Variants in RPS6KC1 observed in about 807,000 individuals in gnomAD.
The protein encoded by RPS6KC1 is ribosomal protein S6 kinase C1, also known as inactive ribosomal protein S6 kinase delta-1.
A neutral mutation model predicts 103.8 loss-of-function variants in RPS6KC1; 54 were observed. That is an observed-to-expected ratio of 0.52 (90% confidence interval 0.42 to 0.65). The LOEUF (loss-of-function observed/expected upper bound fraction) is 0.65. Ranked by LOEUF, RPS6KC1 falls within the 30% of genes least tolerant of loss-of-function variation. The pLI, the probability that RPS6KC1 is intolerant of heterozygous loss-of-function variation, is 0.00. For missense variants in RPS6KC1, 1,151 were observed against 1,253.8 expected, an observed-to-expected ratio of 0.92 and a Z score of 1.24; for synonymous variants, 439 against 438.7, an observed-to-expected ratio of 1.00 and a Z score of -0.01.
intron 3 of RPS6KC1, among the ~76,000 whole-genome samples, chr1:213,087,570 C>T (rs1300276991): frequency 1.3e-5 from 2 of 152,220 alleles, no homozygotes; most frequent in Non-Finnish European, 2.9e-5. Flanking sequence ...CAACGGAGGG[C>T]ACTCCATTTC....
At chr1:213,136,510 G>A (rs1178317519) in intron 6 of RPS6KC1, among the ~76,000 whole-genome samples, 1 of 151,858 alleles carries the variant, frequency 6.6e-6, no homozygotes, top group East Asian at 1.9e-4. Context: ...ATCTGTCATG[G>A]CCCAACAGTG....
the RPS6KC1 span, among the ~76,000 whole-genome samples, chr1:213,559,354 C>T: frequency 6.6e-6 from 1 of 152,168 alleles, no homozygotes; most frequent in Non-Finnish European, 1.5e-5. Flanking sequence ...GAATGCTGTC[C>T]TTTGGCAGCC....
At chr1:213,506,942 A>G in the RPS6KC1 span, among the ~76,000 whole-genome samples, 75 of 152,294 alleles carry the variant, frequency 4.9e-4, no homozygotes, top group African/African-American at 1.7e-3. Flanking sequence ...AATTCATCCC[A>G]TTCCTTTTGC....
At chr1:213,646,660 T>C in the RPS6KC1 span, among the ~76,000 whole-genome samples, 1 of 151,510 alleles carries the variant, frequency 6.6e-6, no homozygotes, top group Non-Finnish European at 1.5e-5. Context: ...TGACCAGTAA[T>C]TAATTGACCC....
chr1:213,301,080 A>C, the RPS6KC1 span, among the ~76,000 whole-genome samples: 1 of 152,184 alleles, frequency 6.6e-6, no homozygotes, highest in South Asian at 2.1e-4. Context: ...CTTAGGGTTC[A>C]TGTTTTTTCC....
the RPS6KC1 span, among the ~76,000 whole-genome samples, chr1:213,324,279 T>A: frequency 2.6e-5 from 4 of 152,228 alleles, no homozygotes; most frequent in Non-Finnish European, 5.9e-5. Flanking sequence ...GGTCATGGAT[T>A]TTTATTTTTT....
At chr1:213,562,388 T>C in the RPS6KC1 span, among the ~76,000 whole-genome samples, 1 of 95,756 alleles carries the variant, frequency 1.0e-5, no homozygotes, top group African/African-American at 4.7e-5. Flanking sequence ...TTTTTTTTTT[T>C]TTTTTTTTTT....
intron 3 of RPS6KC1, among the ~76,000 whole-genome samples, chr1:213,093,299 C>T (rs2081158661): frequency 6.6e-6 from 1 of 151,712 alleles, no homozygotes; most frequent in Admixed American, 6.6e-5. Context: ...AAACCTCCAC[C>T]TCCCGGGTTC....
the RPS6KC1 span, among the ~76,000 whole-genome samples, chr1:213,712,545 C>T: frequency 6.6e-6 from 1 of 152,202 alleles, no homozygotes; most frequent in Admixed American, 6.5e-5. Context: ...GCTTGCGTTC[C>T]AGGCACCACT....
the RPS6KC1 span, among the ~76,000 whole-genome samples, chr1:213,781,846 G>A: frequency 1.3e-5 from 2 of 152,072 alleles, no homozygotes; most frequent in African/African-American, 4.8e-5. Flanking sequence ...AAGAAGGGGT[G>A]GTTCGTTGTG....
chr1:213,075,951 C>T (rs2079298545), intron 2 of RPS6KC1, among the ~76,000 whole-genome samples: 1 of 152,160 alleles, frequency 6.6e-6, no homozygotes, highest in Non-Finnish European at 1.5e-5. Context: ...TTAGGTACTA[C>T]ATCTACAGCA....
the RPS6KC1 span, among the ~76,000 whole-genome samples, chr1:213,761,345 G>A: frequency 1.6e-4 from 25 of 152,278 alleles, no homozygotes; most frequent in East Asian, 1.9e-3. Context: ...GCTGCACTGC[G>A]TGGCCACAGC....
At chr1:213,297,043 T>C in the RPS6KC1 span, among the ~76,000 whole-genome samples, 1 of 152,316 alleles carries the variant, frequency 6.6e-6, no homozygotes, top group East Asian at 1.9e-4. Flanking sequence ...TCTACCCTGC[T>C]TGTCTCACAA....
chr1:213,109,093 T>C (rs1179723969), intron 4 of RPS6KC1, among the ~76,000 whole-genome samples: 6 of 152,180 alleles, frequency 3.9e-5, no homozygotes, highest in Admixed American at 2.6e-4. Flanking sequence ...AACAATATTA[T>C]CTTGCAATCC....
the RPS6KC1 span, among the ~76,000 whole-genome samples, chr1:213,474,490 T>G: frequency 6.6e-6 from 1 of 152,134 alleles, no homozygotes; most frequent in Non-Finnish European, 1.5e-5. Flanking sequence ...AAATGGCATA[T>G]GGGAGGTGGG....
intron 6 of RPS6KC1, among the ~76,000 whole-genome samples, chr1:213,151,904 C>G (rs182673203): frequency 7.7e-5 from 7 of 90,886 alleles, no homozygotes; most frequent in South Asian, 8.4e-4. Context: ...CCCTCCAAGA[C>G]GGGGCGGCTG....
At chr1:213,777,061 G>T in the RPS6KC1 span, among the ~76,000 whole-genome samples, 2 of 152,158 alleles carry the variant, frequency 1.3e-5, no homozygotes, top group African/African-American at 2.4e-5. Context: ...GTTGTGGCTG[G>T]TTTCATTTTC....
chr1:213,543,943 A>T, the RPS6KC1 span, among the ~76,000 whole-genome samples: 2 of 152,218 alleles, frequency 1.3e-5, no homozygotes, highest in Non-Finnish European at 2.9e-5. Context: ...TGATTAATGA[A>T]GGGCTAAGTA....
the RPS6KC1 span, among the ~76,000 whole-genome samples, chr1:213,449,649 T>A: frequency 6.6e-6 from 1 of 152,218 alleles, no homozygotes; most frequent in Non-Finnish European, 1.5e-5. Context: ...AGGACACAAT[T>A]CAGTCTATAA....
Sources: gnomAD v4.1 joint callset for allele counts (sites outside exome capture counted in the v4.1 genomes callset) on GRCh38, gnomAD v4.1.1 for gene constraint, MANE v1.5 for transcripts, NCBI Gene and HGNC (gene_info 2026-07-23, HGNC 2026-07-21) for gene names.